Variants in AFDN observed in about 807,000 individuals in gnomAD.
AFDN encodes afadin, adherens junction formation factor, also known as afadin.
AFDN carries 68 observed loss-of-function variants against 216.6 expected under a neutral mutation model. The observed-to-expected ratio is 0.31, with a 90% CI of 0.26 to 0.38. The LOEUF is 0.38. Ranked by LOEUF, AFDN falls within the 10% of genes least tolerant of loss-of-function variation. AFDN has a pLI of 1.00. For synonymous variants in AFDN, 868 were observed against 853.7 expected (o/e 1.02, Z -0.29); for missense variants, 2,136 against 2,342.0 (o/e 0.91, Z 1.82).
rs1459842031 is a variant in AFDN, at chr6:167,947,874, G to A, written c.3575G>A (p.Gly1192Glu). The change falls in exon 28 of 34, where the codon GGG becomes GAG. Residue 1192 changes from glycine to glutamate, a missense_variant. Physicochemically the swap from Gly to Glu is moderately conservative, Grantham distance 98. Coordinates refer to ENST00000683244, the MANE Select transcript of AFDN (RefSeq NM_001386888.1). ...GCAGATCAGCCTCCTAGTCCTGGAG[G>A]GAAAAGTGCATATGCCTCTGGAACA... Reference protein sequence around the residue: ...NVANQPPSPGGKSAYASGTTA... With the variant: ...NVANQPPSPGEKSAYASGTTA... The A allele has an allele frequency of 6.2e-6, 10 of 1,613,606 alleles. No individual in the cohort carries two copies. Among genetic ancestry groups the A allele is most frequent in the Non-Finnish European group, 6.8e-6 (8 of 1,179,748 alleles).
At chr6:167,966,332 C>G (rs1260959965) in intron 32 of AFDN, 1 of 1,341,562 alleles carries the variant, frequency 7.5e-7, no homozygotes, top group Non-Finnish European at 9.8e-7. Context: ...CTCAGCATCT[C>G]TCTGCACACT....
chr6:167,850,995 G>T, intron 1 of AFDN, among the ~76,000 whole-genome samples: 1 of 151,952 alleles, frequency 6.6e-6, no homozygotes, highest in South Asian at 2.1e-4. Flanking sequence ...CCTGCATTCA[G>T]GCGATTCTCC....
intron 17 of AFDN, among the ~76,000 whole-genome samples, 153 bp from the exon 18 acceptor site, chr6:167,914,491 A>G (rs991204303): frequency 6.6e-6 from 1 of 152,168 alleles, no homozygotes; most frequent in African/African-American, 2.4e-5. Flanking sequence ...TAATATAGTT[A>G]TACTGAATTC....
At chr6:167,829,336 A>G (rs944952274) in intron 1 of AFDN, among the ~76,000 whole-genome samples, 1 of 152,164 alleles carries the variant, frequency 6.6e-6, no homozygotes, top group African/African-American at 2.4e-5. Context: ...TTTGCATTTA[A>G]CATATTGTAT....
At chr6:167,931,026 G>A (rs1193405140) in intron 23 of AFDN, among the ~76,000 whole-genome samples, 1 of 151,926 alleles carries the variant, frequency 6.6e-6, no homozygotes, top group African/African-American at 2.4e-5. Context: ...ATGACGAGAT[G>A]GTTTGCTCTG....
In AFDN at chr6:167,951,559, A is replaced by C. The variant is rs549349798; in HGVS notation, c.4205A>C (p.Asn1402Thr). 6 of 1,613,716 alleles carry C rather than the reference A, an allele frequency of 3.7e-6. No homozygotes were observed. Among genetic ancestry groups the C allele is most frequent in the Non-Finnish European group, 5.1e-6 (6 of 1,179,914 alleles). ...CCTCTCCCACCACCCCCTTCCGCCA[A>C]CCAGATAGGGCTGCCGTCTGCGCAG... ...DLPLPPPPSANQIGLPSAQVA... is the reference protein window; with the variant it reads ...DLPLPPPPSATQIGLPSAQVA... Residue 1402 changes from asparagine (N) to threonine (T), a missense_variant, in exon 30 of 34, where the codon AAC becomes ACC. Asn to Thr is a moderately conservative substitution (Grantham distance 65). Coordinates refer to ENST00000683244, the MANE Select transcript of AFDN (RefSeq NM_001386888.1). The surrounding 1 kb of genome is among the most constrained non-coding windows in gnomAD (Gnocchi z 7.1).
chr6:167,854,593 G>T lies in AFDN; in HGVS notation c.106-9958G>T, dbSNP rs538997415. On this transcript the variant is annotated intron_variant, in intron 1 of 33. Transcript: ENST00000683244. ...TCTTTTTTGTATCCCTTGACCATTT[G>T]AAATTTATCTTAATGTACAGTGTGA... Among the ~76,000 whole-genome samples the T allele has an allele frequency of 2.0e-5, 3 of 151,728 alleles. No individual in the cohort carries two copies. In the South Asian group the frequency reaches 6.3e-4, roughly 32 times the overall value.
At chr6:167,887,738 A>G (rs1008060449) in intron 6 of AFDN, among the ~76,000 whole-genome samples, 1 of 152,152 alleles carries the variant, frequency 6.6e-6, no homozygotes, top group African/African-American at 2.4e-5. Flanking sequence ...GATTACAGGC[A>G]TGAGCCACTG....
At chr6:167,850,004 A>C (rs1782122653) in intron 1 of AFDN, among the ~76,000 whole-genome samples, 1 of 152,176 alleles carries the variant, frequency 6.6e-6, no homozygotes, top group South Asian at 2.1e-4. Flanking sequence ...ACTAAGTGAC[A>C]TTCCAATCTG....
Position 167,968,970 on chromosome 6 carries a change from C to G in AFDN, c.5258-144C>G, listed in dbSNP as rs545839368. On this transcript the variant is annotated intron_variant, in intron 32 of 33. Transcript: ENST00000683244. ...AGGGATGAATTTCAAACTGATGAAA[C>G]TTTGATACAATATGAGGGGTCTTTT... is the stretch of plus-strand genomic sequence containing the variant. 8 of 645,762 alleles carry G rather than the reference C, an allele frequency of 1.2e-5. No homozygotes were observed. In the South Asian group the frequency reaches 1.3e-4, roughly 11 times the overall value. The allele number at this position is 645,762 out of a possible 1,614,324, so 40.0% of individuals were successfully genotyped here.
chr6:167,879,297 G>T (rs552864846), intron 5 of AFDN, among the ~76,000 whole-genome samples: 5 of 152,170 alleles, frequency 3.3e-5, no homozygotes, highest in African/African-American at 1.2e-4. Flanking sequence ...CTATCAAAAT[G>T]CAATTCATGC....
intron 26 of AFDN, among the ~76,000 whole-genome samples, chr6:167,945,396 A>G (rs1245504740): frequency 6.6e-6 from 1 of 152,184 alleles, no homozygotes; most frequent in Non-Finnish European, 1.5e-5. Flanking sequence ...GGGCTACTTG[A>G]CCATTAACTC....
intron 21 of AFDN, among the ~76,000 whole-genome samples, chr6:167,921,506 G>A (rs1277458844): frequency 6.6e-6 from 1 of 152,100 alleles, no homozygotes; most frequent in African/African-American, 2.4e-5. Flanking sequence ...ATTACTTTGT[G>A]CCGTCAATAT....
chr6:167,917,152 T>G lies in AFDN; in HGVS notation c.2629T>G (p.Cys877Gly). The change falls in exon 20 of 34, where the codon TGC (cysteine) becomes GGC (glycine). Residue 877 changes from cysteine to glycine, a missense_variant. Cys to Gly is a radical substitution (Grantham distance 159). Coordinates refer to ENST00000683244, the MANE Select transcript of AFDN (RefSeq NM_001386888.1). ...PDDIPNINST[C>G]FKLNSLQLQA... ...TGACATTCCAAATATAAACAGCACC[T>G]GCTTTAAGTTAAATTCATTACAACT... 6.2e-7 allele frequency: 1 copy of G among 1,613,002 alleles called. No homozygotes were observed.
intron 1 of AFDN, among the ~76,000 whole-genome samples, chr6:167,853,548 T>G (rs1393079341): frequency 2.6e-5 from 4 of 152,062 alleles, no homozygotes; most frequent in African/African-American, 9.7e-5. Context: ...AGCGATTGTC[T>G]TTTTTTGTTA....
intron 11 of AFDN, among the ~76,000 whole-genome samples, chr6:167,900,334 TG>T (rs1323215457): frequency 1.3e-5 from 2 of 152,156 alleles, no homozygotes; most frequent in African/African-American, 2.4e-5. Flanking sequence ...TGGCAAAGTT[TG>T]ATATTGATAG....
At position 167,962,627 on chromosome 6, in the gene AFDN, G is replaced by C. The variant is rs1352265225; in HGVS notation, c.4968+60G>C. 4.3e-6 allele frequency: 7 copies of C among 1,609,864 alleles called. No individual in the cohort carries two copies. The highest frequency in any genetic ancestry group is 6.0e-6 in the Non-Finnish European group (7 of 1,176,462). On this transcript the variant is annotated intron_variant, in intron 31 of 33. Coordinates refer to ENST00000683244, the MANE Select transcript of AFDN (RefSeq NM_001386888.1). The surrounding 1 kb of genome is among the most constrained non-coding windows in gnomAD (Gnocchi z 5.2). Reference sequence around the variant, plus strand: ...AAGTTAGCCTGAACGTAATCGATTGGCTGGGGCAGAGCGGGCTGGAAGTTC... The same window carrying C: ...AAGTTAGCCTGAACGTAATCGATTGCCTGGGGCAGAGCGGGCTGGAAGTTC...
intron 1 of AFDN, among the ~76,000 whole-genome samples, chr6:167,854,335 A>G (rs1299588797): frequency 6.6e-6 from 1 of 152,016 alleles, no homozygotes; most frequent in Non-Finnish European, 1.5e-5. Context: ...TGTTAAAGAA[A>G]TTATATTTCT....
chr6:167,868,436 A>G (rs1403831013), intron 2 of AFDN, among the ~76,000 whole-genome samples: 1 of 152,214 alleles, frequency 6.6e-6, no homozygotes, highest in Non-Finnish European at 1.5e-5. Context: ...TTAGAAAAAC[A>G]AAGTGTATCT....
Sources: allele counts gnomAD v4.1 joint callset (sites outside exome capture counted in the v4.1 genomes callset), GRCh38; gene constraint gnomAD v4.1.1; non-coding constraint Gnocchi (gnomAD v3.1); transcripts MANE v1.5; gene names NCBI Gene and HGNC (gene_info 2026-07-23, HGNC 2026-07-21).